The following LRRTM3 variants were observed in gnomAD, a reference collection of about 807,000 sequenced individuals.
LRRTM3 encodes leucine-rich repeat transmembrane neuronal protein 3.
LRRTM3 carries 24 observed loss-of-function variants against 44.7 expected under a neutral mutation model. The observed-to-expected ratio is 0.54, with a 90% CI of 0.39 to 0.76. The LOEUF (loss-of-function observed/expected upper bound fraction) is 0.76. Among genes scored for constraint, LRRTM3 ranks in the 30% least tolerant of loss-of-function variants. The pLI is 0.00. For missense variants in LRRTM3, 587 were observed against 702.2 expected, an observed-to-expected ratio of 0.84 and a Z score of 1.85; for synonymous variants, 277 against 278.7, an observed-to-expected ratio of 0.99 and a Z score of 0.06.
Position 66,927,726 on chromosome 10 carries a change from A to G in LRRTM3, c.810A>G (p.Gly270=). ...LSGNEIEAFS[G]PSVFQCVPNL... ...GCAATGAGATCGAAGCTTTCAGTGG[A>G]CCCAGTGTTTTCCAGTGTGTCCCGA... The change falls in exon 2 of 3, where the codon GGA becomes GGG. Residue 270 remains glycine, a synonymous_variant. Coordinates refer to ENST00000361320, the MANE Select transcript of LRRTM3 (RefSeq NM_178011.5). The surrounding 1 kb of genome is among the most constrained non-coding windows in gnomAD (Gnocchi z 4.7). 6.2e-7 allele frequency: 1 copy of G among 1,614,140 alleles called. No individual in the cohort carries two copies. Among genetic ancestry groups the G allele is most frequent in the South Asian group, 1.1e-5 (1 of 91,078 alleles).
At chr10:67,033,262 AGG>A in intron 2 of LRRTM3, among the ~76,000 whole-genome samples, 1 of 152,186 alleles carries the variant, frequency 6.6e-6, no homozygotes, top group East Asian at 1.9e-4. Context: ...GTGTTATGTG[AGG>A]GTGCTTTCCA....
At chr10:67,065,143 T>G (rs1856000930) in intron 2 of LRRTM3, among the ~76,000 whole-genome samples, 1 of 152,156 alleles carries the variant, frequency 6.6e-6, no homozygotes, top group Admixed American at 6.5e-5. Flanking sequence ...TGGTTCCCTC[T>G]GACACCTGAT....
intron 2 of LRRTM3, among the ~76,000 whole-genome samples, chr10:67,039,862 A>T (rs1009388141): frequency 6.6e-6 from 1 of 152,176 alleles, no homozygotes; most frequent in African/African-American, 2.4e-5. Flanking sequence ...AGACCGTTAC[A>T]GATTAATCTG....
At chr10:66,955,637 C>T (rs1848749882) in intron 2 of LRRTM3, among the ~76,000 whole-genome samples, 2 of 152,132 alleles carry the variant, frequency 1.3e-5, no homozygotes, top group South Asian at 4.2e-4. Flanking sequence ...AGACACACGA[C>T]TGCATGACTT....
chr10:67,045,673 C>A (rs933712224), intron 2 of LRRTM3, among the ~76,000 whole-genome samples: 1 of 152,160 alleles, frequency 6.6e-6, no homozygotes, highest in African/African-American at 2.4e-5. Context: ...CTAGTCCTGG[C>A]GCGGGATGGG....
At chr10:67,049,912 G>A (rs74233473) in intron 2 of LRRTM3, among the ~76,000 whole-genome samples, 3,774 of 152,272 alleles carry the variant, frequency 0.025, 120 homozygotes, top group East Asian at 0.14. Context: ...AGCATATGCT[G>A]TGTTTCACAT....
chr10:67,013,498 G>T (rs192319353), intron 2 of LRRTM3, among the ~76,000 whole-genome samples: 225 of 152,216 alleles, frequency 1.5e-3, no homozygotes, highest in Non-Finnish European at 1.9e-3. Context: ...GTCCATTCAC[G>T]TGCTGTGCAA....
intron 2 of LRRTM3, among the ~76,000 whole-genome samples, chr10:66,986,746 G>C (rs1850749928): frequency 6.6e-6 from 1 of 151,994 alleles, no homozygotes; most frequent in African/African-American, 2.4e-5. Context: ...GCAAAACAGA[G>C]ATCATACTAC....
intron 2 of LRRTM3, among the ~76,000 whole-genome samples, chr10:66,978,552 A>AAATAAAAAAAAAATATATAT: frequency 7.9e-5 from 3 of 37,866 alleles, no homozygotes; most frequent in African/African-American, 1.7e-4. Flanking sequence ...AAAAAAAAAA[A>AAATAAAAAAAAAATATATAT]ATATATATAT....
intron 2 of LRRTM3, among the ~76,000 whole-genome samples, chr10:67,017,691 A>C (rs1852739389): frequency 6.6e-6 from 1 of 152,052 alleles, no homozygotes; most frequent in Non-Finnish European, 1.5e-5. Flanking sequence ...GGTTAATCAA[A>C]AAAGTTGACA....
intron 2 of LRRTM3, among the ~76,000 whole-genome samples, chr10:67,042,575 G>T (rs1466577936): frequency 6.6e-6 from 1 of 151,998 alleles, no homozygotes; most frequent in African/African-American, 2.4e-5. Flanking sequence ...TAAGAAAAGG[G>T]CTTGATGAAA....
intron 2 of LRRTM3, among the ~76,000 whole-genome samples, chr10:67,069,551 C>G (rs1219364957): frequency 7.1e-6 from 1 of 141,490 alleles, no homozygotes; most frequent in East Asian, 2.0e-4. Context: ...AGGTGTACAG[C>G]AGCCCGCCCC....
chr10:67,008,718 T>C (rs1852154293), intron 2 of LRRTM3, among the ~76,000 whole-genome samples: 1 of 152,158 alleles, frequency 6.6e-6, no homozygotes, highest in African/African-American at 2.4e-5. Context: ...CATGTAGTCT[T>C]TCATCCTCCA....
At chr10:66,989,952 T>C (rs1850953123) in intron 2 of LRRTM3, among the ~76,000 whole-genome samples, 1 of 152,156 alleles carries the variant, frequency 6.6e-6, no homozygotes, top group African/African-American at 2.4e-5. Context: ...ATTAAAAAAT[T>C]AAGATAGCCA....
At position 66,995,672 on chromosome 10, in the gene LRRTM3, C is replaced by T. The variant is rs10997475; in HGVS notation, c.1536+67220C>T. On this transcript the variant is annotated intron_variant, in intron 2 of 2. Transcript: ENST00000361320. ...TCATCTGCTACCTATCCATGCCAGA[C>T]AACTAAGACTCAGACTCAGTCTCAC... Among the ~76,000 whole-genome samples the T allele has an allele frequency of 3.8e-3, 578 of 152,284 alleles. 29 individuals carry two copies. In the East Asian group the frequency reaches 0.091, roughly 24 times the overall value.
chr10:67,097,760 T>G lies in LRRTM3; in HGVS notation c.1710T>G (p.Ala570=). ...TGGACCTGAGCACAATCACAACAGC[T>G]GGCCGAATCAGTGACCATAAACAGC... The part of the protein sequence containing the change: ...TELDLSTITT[A]GRISDHKQQL... Residue 570 remains alanine, a synonymous_variant, in exon 3 of 3, where the codon GCT becomes GCG. Coordinates refer to ENST00000361320, the MANE Select transcript of LRRTM3 (RefSeq NM_178011.5). 6.2e-7 allele frequency: 1 copy of G among 1,612,428 alleles called. No homozygotes were observed. Among genetic ancestry groups the G allele is most frequent in the East Asian group, 2.2e-5 (1 of 44,822 alleles).
intron 2 of LRRTM3, among the ~76,000 whole-genome samples, chr10:67,080,604 T>A (rs972163624): frequency 5.9e-5 from 9 of 152,252 alleles, no homozygotes; most frequent in African/African-American, 1.9e-4. Flanking sequence ...ATCTTATAGA[T>A]GTGCATAGAA....
intron 2 of LRRTM3, among the ~76,000 whole-genome samples, chr10:67,021,257 T>A (rs997703353): frequency 6.6e-5 from 10 of 152,272 alleles, no homozygotes; most frequent in Middle Eastern, 3.4e-3. Context: ...AGCAAAGATA[T>A]ATACAGAATA....
intron 2 of LRRTM3, among the ~76,000 whole-genome samples, chr10:67,039,180 T>C (rs538353780): frequency 6.6e-6 from 1 of 152,236 alleles, no homozygotes; most frequent in East Asian, 1.9e-4. Context: ...CTTAACATTA[T>C]AACCAAAATT....
Sources: gnomAD v4.1 joint callset for allele counts (sites outside exome capture counted in the v4.1 genomes callset) on GRCh38, gnomAD v4.1.1 for gene constraint, Gnocchi (gnomAD v3.1) non-coding constraint, MANE v1.5 for transcripts, NCBI Gene and HGNC (gene_info 2026-07-23, HGNC 2026-07-21) for gene names.